HECW2: variants seen among roughly 807,000 people sequenced by gnomAD.
HECW2 encodes E3 ubiquitin-protein ligase HECW2.
Under a neutral mutation model 175.2 loss-of-function variants are expected in HECW2, and 61 were observed. The ratio of observed to expected loss-of-function variants is 0.35; its 90% CI spans 0.28 to 0.43. The LOEUF (loss-of-function observed/expected upper bound fraction) is 0.43, where lower values mean the gene tolerates loss of function less well. Ranked by LOEUF, HECW2 falls within the 20% of genes least tolerant of loss-of-function variation. HECW2 has a pLI of 1.00. For missense variants in HECW2, 1,524 were observed against 2,000.5 expected (o/e 0.76, Z 4.54); for synonymous variants, 671 against 731.0 (o/e 0.92, Z 1.32).
chr2:196,278,017 T>C (rs986176154), intron 15 of HECW2, among the ~76,000 whole-genome samples: 2 of 143,556 alleles, frequency 1.4e-5, no homozygotes, highest in African/African-American at 5.0e-5. Context: ...TTAGGAGATA[T>C]ACCTAATGTA....
chr2:196,571,468 G>A (rs182639296), intron 1 of HECW2, among the ~76,000 whole-genome samples: 55 of 152,176 alleles, frequency 3.6e-4, no homozygotes, highest in Admixed American at 3.0e-3. Context: ...CAGCACTTTC[G>A]GAGGCCAAGG....
chr2:196,491,405 CACGT>C (rs1283479747), intron 1 of HECW2, among the ~76,000 whole-genome samples: 5 of 140,052 alleles, frequency 3.6e-5, no homozygotes, highest in African/African-American at 1.1e-4. Flanking sequence ...CACACACACA[CACGT>C]GTGTATGCAT....
chr2:196,441,307 A>G (rs1696033253), intron 1 of HECW2, among the ~76,000 whole-genome samples: 1 of 152,108 alleles, frequency 6.6e-6, no homozygotes, highest in South Asian at 2.1e-4. Context: ...GATAAATAAA[A>G]CCAATAATAA....
chr2:196,468,215 G>A (rs1473799190), intron 1 of HECW2, among the ~76,000 whole-genome samples: 4 of 152,162 alleles, frequency 2.6e-5, no homozygotes, highest in Admixed American at 1.3e-4. Context: ...GGCTGGTCTC[G>A]AACTCCTGAC....
At chr2:196,311,514 C>T (rs927107310) in intron 10 of HECW2, among the ~76,000 whole-genome samples, 24 of 152,062 alleles carry the variant, frequency 1.6e-4, no homozygotes, top group Admixed American at 3.9e-4. Flanking sequence ...TAAACCTCAG[C>T]GGCCGGGTGC....
intron 6 of HECW2, among the ~76,000 whole-genome samples, chr2:196,324,067 T>C (rs1692059720): frequency 6.6e-6 from 1 of 152,110 alleles, no homozygotes; most frequent in East Asian, 1.9e-4. Context: ...TAACTATATC[T>C]TTTCTGCAAT....
chr2:196,536,467 T>C lies in HECW2; in HGVS notation c.-36+57041A>G, dbSNP rs112932384. Among the ~76,000 whole-genome samples the C allele has an allele frequency of 3.0e-3, 457 of 152,298 alleles. 1 individual carries two copies. The highest frequency in any genetic ancestry group is 0.01 in the African/African-American group (425 of 41,574). The stretch of plus-strand genomic sequence containing the variant: ...GTCTAAAGCCCACAGATACTAAAAG[T>C]TGGCATGCTCAGCCTCACAAAACTC... On this transcript the variant is annotated intron_variant, in intron 1 of 28. Transcript: ENST00000644978.
At chr2:196,453,073 A>G (rs1696397168) in intron 1 of HECW2, among the ~76,000 whole-genome samples, 1 of 152,214 alleles carries the variant, frequency 6.6e-6, no homozygotes, top group Non-Finnish European at 1.5e-5. Flanking sequence ...TAGGCAACTC[A>G]GCAAGACCTT....
chr2:196,395,928 C>T (rs780948912), intron 2 of HECW2, among the ~76,000 whole-genome samples: 4 of 152,090 alleles, frequency 2.6e-5, no homozygotes, highest in Non-Finnish European at 4.4e-5. Context: ...ATCTGTATGC[C>T]CACGTTCATA....
intron 28 of HECW2, among the ~76,000 whole-genome samples, chr2:196,208,358 C>T (rs755011414): frequency 3.8e-4 from 57 of 151,928 alleles, no homozygotes; most frequent in Non-Finnish European, 2.6e-4. Context: ...CAAAGTTATC[C>T]CTAAAGATTT....
At chr2:196,205,714 G>A (rs1687043199) in intron 28 of HECW2, among the ~76,000 whole-genome samples, 1 of 152,122 alleles carries the variant, frequency 6.6e-6, no homozygotes, top group African/African-American at 2.4e-5. Context: ...CACCCCTTGT[G>A]ATTGTAATTC....
intron 18 of HECW2, among the ~76,000 whole-genome samples, chr2:196,255,484 C>T (rs10209101): frequency 0.63 from 95,687 of 151,984 alleles, 31,023 homozygotes; most frequent in Middle Eastern, 0.73. Flanking sequence ...ATACATGAAA[C>T]ACAAAAATCA....
At chr2:196,263,722 T>C (rs1310115219) in intron 17 of HECW2, 1 of 152,232 alleles carries the variant, frequency 6.6e-6, no homozygotes, top group East Asian at 1.9e-4. Context: ...GACCCAGAGA[T>C]ATGAAATTAA....
intron 19 of HECW2, among the ~76,000 whole-genome samples, chr2:196,250,511 G>T (rs761626932): frequency 2.6e-5 from 4 of 152,176 alleles, no homozygotes; most frequent in Non-Finnish European, 4.4e-5. Context: ...TATAGAAAAA[G>T]AGATTCAGGC....
chr2:196,278,725 C>G, intron 14 of HECW2, 63 bp from the exon 15 acceptor site: 1 of 1,573,646 alleles, frequency 6.4e-7, no homozygotes, highest in South Asian at 1.1e-5. Context: ...CTTATAACAT[C>G]AGACGGTCAG....
chr2:196,207,865 G>A (rs886824901), intron 28 of HECW2, among the ~76,000 whole-genome samples: 4 of 152,208 alleles, frequency 2.6e-5, no homozygotes, highest in South Asian at 4.1e-4. Context: ...ATTCCCATAG[G>A]GGGGAATTCC....
intron 1 of HECW2, among the ~76,000 whole-genome samples, chr2:196,483,749 T>C (rs1268641402): frequency 6.6e-6 from 1 of 152,202 alleles, no homozygotes; most frequent in Non-Finnish European, 1.5e-5. Context: ...TGTGGGAAAT[T>C]ATACTAGGAA....
chr2:196,542,524 G>A (rs1689258842), intron 1 of HECW2, among the ~76,000 whole-genome samples: 1 of 152,008 alleles, frequency 6.6e-6, no homozygotes. Context: ...TTTAGAAAAA[G>A]TAACATATGC....
chr2:196,254,289 T>A (rs190676156), intron 18 of HECW2, among the ~76,000 whole-genome samples: 1 of 152,268 alleles, frequency 6.6e-6, no homozygotes. Context: ...TGAGTTTGAG[T>A]GTACATGTTT....
Sources: gnomAD v4.1 joint callset for allele counts (sites outside exome capture counted in the v4.1 genomes callset) on GRCh38, gnomAD v4.1.1 for gene constraint, MANE v1.5 for transcripts, NCBI Gene and HGNC (gene_info 2026-07-23, HGNC 2026-07-21) for gene names.